The following PNPLA4 variants were observed in gnomAD, a reference collection of about 807,000 sequenced individuals.
PNPLA4 encodes the protein patatin-like phospholipase domain-containing protein 4.
In PNPLA4, 15 loss-of-function variants were observed where a neutral mutation model predicts 18.3. The observed-to-expected ratio is 0.82, with a 90% CI of 0.55 to 1.26. The LOEUF is 1.26. Among genes scored for constraint, PNPLA4 ranks in the 50% most tolerant of loss-of-function variants. The probability of loss-of-function intolerance (pLI) is 0.00; values close to 1 mark genes in which losing one functional copy is unlikely to be tolerated. For missense variants in PNPLA4, 229 were observed against 196.8 expected (o/e 1.16, Z -0.98); for synonymous variants, 88 against 85.6 (o/e 1.03, Z -0.16).
intron 4 of PNPLA4, among the ~76,000 whole-genome samples, chrX:7,920,655 G>A (rs1333453391): frequency 8.9e-6 from 1 of 111,808 alleles, no homozygotes. Context: ...TTGCACTAGA[G>A]GGAAAAACAA....
In PNPLA4 at chrX:7,910,832, A is replaced by C. The variant is rs1047482570; in HGVS notation, c.477+1196T>G. ...ATACCTACTCTATTTAATTATAAAT[A>C]GATATCTACTCTATTTAGATATCTA... On this transcript the variant is annotated intron_variant, in intron 5 of 6. Transcript: ENST00000381042. 5.5e-5 allele frequency among the ~76,000 whole-genome samples: 6 copies of C among 109,816 alleles called. No individual in the cohort carries two copies. The Admixed American group carries it at 5.9e-4, about 11-fold the overall frequency.
chrX:7,902,827 C>T (rs1160995562), intron 5 of PNPLA4, among the ~76,000 whole-genome samples: 1 of 111,821 alleles, frequency 8.9e-6, no homozygotes, highest in Non-Finnish European at 1.9e-5. Context: ...GCCCCTAGCT[C>T]TACAGAAGCG....
chrX:7,905,864 G>A (rs953611174), intron 5 of PNPLA4, among the ~76,000 whole-genome samples: 2 of 112,003 alleles, frequency 1.8e-5, no homozygotes, highest in East Asian at 2.8e-4. Flanking sequence ...TATTGCCTGC[G>A]GCTGCTTCCC....
intron 2 of PNPLA4, among the ~76,000 whole-genome samples, 182 bp from the exon 3 acceptor site, chrX:7,922,280 A>C (rs1266734013): frequency 1.8e-5 from 2 of 111,673 alleles, no homozygotes; most frequent in African/African-American, 6.5e-5. Context: ...CAAGGTATAC[A>C]CTCTCAAGAA....
intron 4 of PNPLA4, 145 bp downstream of exon 4, chrX:7,921,568 C>T: frequency 2.2e-5 from 12 of 539,621 alleles, no homozygotes. Context: ...TTTCATCAAA[C>T]AAGTAATTTA....
chrX:7,909,202 A>G (rs764407052), intron 5 of PNPLA4, among the ~76,000 whole-genome samples: 3 of 111,907 alleles, frequency 2.7e-5, no homozygotes, highest in Non-Finnish European at 3.8e-5. Context: ...ATTTCCTCAC[A>G]TGTAAAATTG....
chrX:7,907,894 G>GTT (rs1240280762), intron 5 of PNPLA4, among the ~76,000 whole-genome samples: 2 of 21,766 alleles, frequency 9.2e-5, no homozygotes, highest in Non-Finnish European at 8.2e-5. Flanking sequence ...GCTAATTTTT[G>GTT]TTTTTTTTTT....
rs1923509331 is a variant in PNPLA4, at chrX:7,900,828, A to G, written c.631-11T>C. 1 of 1,186,270 alleles carries G rather than the reference A, an allele frequency of 8.4e-7. No homozygotes were observed. The highest frequency in any genetic ancestry group is 1.8e-5 in the African/African-American group (1 of 56,430). On this transcript the variant is annotated splice_polypyrimidine_tract_variant and intron_variant, in intron 6 of 6. Transcript: ENST00000381042. ...GTTTGCCAGGGACAACTAGAATAAAAAGACCAAAATTTAAGCTGTAGGATA... is the reference window on the plus strand; with the variant it reads ...GTTTGCCAGGGACAACTAGAATAAAGAGACCAAAATTTAAGCTGTAGGATA...
chrX:7,925,956 G>C lies in PNPLA4; in HGVS notation c.164C>G (p.Ala55Gly), dbSNP rs199815689. 7.0e-5 allele frequency: 84 copies of C among 1,207,008 alleles called. No individual in the cohort carries two copies. The highest frequency in any genetic ancestry group is 1.8e-5 in the Non-Finnish European group (16 of 893,563). Residue 55 changes from alanine (A) to glycine (G), a missense_variant, in exon 2 of 7, where the codon GCA becomes GGA. Ala to Gly is a moderately conservative substitution (Grantham distance 60). Transcript: ENST00000381042. ...GSLVASVLLT[A>G]PEKIEECNQF... ...CTTAATTACCTCTATTTTTTCTGGTGCTGTTAGCAGAACAGAAGCAACCAA... is the reference window on the plus strand; with the variant it reads ...CTTAATTACCTCTATTTTTTCTGGTCCTGTTAGCAGAACAGAAGCAACCAA...
chrX:7,925,966 G>C lies in PNPLA4; in HGVS notation c.154C>G (p.Leu52Val). ...TCTATTTTTTCTGGTGCTGTTAGCA[G>C]AACAGAAGCAACCAACGATCCCGCA... is the stretch of plus-strand genomic sequence containing the variant. ...ASAGSLVASV[L>V]LTAPEKIEEC... Residue 52 changes from leucine to valine, a missense_variant, in exon 2 of 7, where the codon CTG (leucine) becomes GTG (valine). Leu to Val is a conservative substitution (Grantham distance 32). Transcript: ENST00000381042. 2 of 1,211,269 alleles carry C rather than the reference G, an allele frequency of 1.7e-6. No individual in the cohort carries two copies. The highest frequency in any genetic ancestry group is 2.2e-6 in the Non-Finnish European group (2 of 895,100).
rs180764377 is a variant in PNPLA4, at chrX:7,908,868, G to A, written c.477+3160C>T. 3.7e-3 allele frequency among the ~76,000 whole-genome samples: 417 copies of A among 111,408 alleles called. 1 individual carries two copies. Among genetic ancestry groups the A allele is most frequent in the Non-Finnish European group, 6.2e-3 (331 of 53,034 alleles). On this transcript the variant is annotated intron_variant, in intron 5 of 6. Transcript: ENST00000381042. Reference sequence around the variant, plus strand: ...GCTTTCCATCTTCCTCACAGTTCTGGGCCTGTGCGTTCCCTGCTGTTTAAT... The same window carrying A: ...GCTTTCCATCTTCCTCACAGTTCTGAGCCTGTGCGTTCCCTGCTGTTTAAT...
rs759715610 is a variant in PNPLA4 at position 7,899,146 on chromosome X, G to T, written c.*1540C>A. On this transcript the variant is annotated 3_prime_UTR_variant, in exon 7 of 7. Coordinates refer to ENST00000381042, the MANE Select transcript of PNPLA4 (RefSeq NM_004650.3). ...AGGGACCATCATTACTCTAGAGTGG[G>T]TCTATGCATAACTCCTCAAAAAGAG... 7.2e-5 allele frequency: 8 copies of T among 111,544 alleles called. No individual in the cohort carries two copies. The highest frequency in any genetic ancestry group is 2.6e-4 in the African/African-American group (8 of 30,667). 9.2% of individuals were successfully genotyped at this position (111,544 alleles called of 1,213,427 possible). A position where few individuals can be genotyped will look rare whatever the true frequency, so the allele number is the denominator to read the frequency against.
rs781736178 is a variant in PNPLA4 at position 7,921,819 on chromosome X, C to T, written c.305G>A (p.Ser102Asn). Reference sequence around the variant, plus strand: ...TCGGTTCTGGGCCAGCTCGTGAGCGCTGGGAGGAAGAATCGACTCCATCCC... The same window carrying T: ...TCGGTTCTGGGCCAGCTCGTGAGCGTTGGGAGGAAGAATCGACTCCATCCC... The part of the protein sequence containing the change: ...RSGMESILPP[S>N]AHELAQNRLH... The change falls in exon 4 of 7, where the codon AGC becomes AAC. Residue 102 changes from serine to asparagine, a missense_variant. Ser to Asn is a conservative substitution (Grantham distance 46). Transcript: ENST00000381042. The T allele has an allele frequency of 1.7e-6, 2 of 1,208,378 alleles. No individual in the cohort carries two copies. Among genetic ancestry groups the T allele is most frequent in the South Asian group, 1.8e-5 (1 of 56,804 alleles).
Position 7,900,498 on chromosome X carries a change from T to A in PNPLA4, c.*188A>T. 3.2e-6 allele frequency: 1 copy of A among 310,343 alleles called. No individual in the cohort carries two copies. 25.6% of individuals were successfully genotyped at this position (310,343 alleles called of 1,213,427 possible). A position where few individuals can be genotyped will look rare whatever the true frequency, so the allele number is the denominator to read the frequency against. ...CCTAAGTGTATCCTTCTTAATGACG[T>A]TGTCAAATTCTAATAAAGTGCCTCT... On this transcript the variant is annotated 3_prime_UTR_variant, in exon 7 of 7. Coordinates refer to ENST00000381042, the MANE Select transcript of PNPLA4 (RefSeq NM_004650.3).
At chrX:7,907,261 C>T (rs1317483637) in intron 5 of PNPLA4, among the ~76,000 whole-genome samples, 1 of 111,655 alleles carries the variant, frequency 9.0e-6, no homozygotes, top group South Asian at 3.8e-4. Context: ...TCAGGTGATC[C>T]GCCCGCCTCA....
chrX:7,903,831 G>T (rs1301279863), intron 5 of PNPLA4, among the ~76,000 whole-genome samples: 1 of 111,669 alleles, frequency 9.0e-6, no homozygotes, highest in Non-Finnish European at 1.9e-5. Flanking sequence ...ATTTTTAAAA[G>T]ATATAAAGAT....
At chrX:7,902,741 C>T (rs1423042479) in intron 5 of PNPLA4, among the ~76,000 whole-genome samples, 2 of 111,558 alleles carry the variant, frequency 1.8e-5, no homozygotes, top group African/African-American at 6.5e-5. Flanking sequence ...GGACAGAAGC[C>T]TCCCAAGGAA....
chrX:7,911,880 C>T, intron 5 of PNPLA4, 148 bp downstream of exon 5: 1 of 394,755 alleles, frequency 2.5e-6, no homozygotes, highest in Middle Eastern at 7.5e-4. Context: ...CCTGTATATT[C>T]TTTCCCTCTT....
At chrX:7,920,165 T>C (rs2146765496) in intron 4 of PNPLA4, among the ~76,000 whole-genome samples, 1 of 111,484 alleles carries the variant, frequency 9.0e-6, no homozygotes, top group East Asian at 2.8e-4. Context: ...CTGAGAGTTC[T>C]GTCATTGTAG....
Sources: allele counts gnomAD v4.1 joint callset (sites outside exome capture counted in the v4.1 genomes callset), GRCh38; gene constraint gnomAD v4.1.1; transcripts MANE v1.5; gene names NCBI Gene and HGNC (gene_info 2026-07-23, HGNC 2026-07-21).